The following ARL8B variants were observed in gnomAD, a reference collection of about 807,000 sequenced individuals.
ARL8B encodes ARF like GTPase 8B, also known as ADP-ribosylation factor-like protein 8B.
In ARL8B, 9 loss-of-function variants were observed where a neutral mutation model predicts 30.6. The observed-to-expected ratio is 0.29, with a 90% CI of 0.18 to 0.51. The LOEUF (loss-of-function observed/expected upper bound fraction) is 0.51. ARL8B is among the 20% of genes least tolerant of loss of function. The pLI, the probability that ARL8B is intolerant of heterozygous loss-of-function variation, is 0.97. For missense variants in ARL8B, 130 were observed against 227.2 expected, an observed-to-expected ratio of 0.57 and a Z score of 2.75; for synonymous variants, 74 against 76.0, an observed-to-expected ratio of 0.97 and a Z score of 0.14.
At chr3:5,172,278 G>T in intron 3 of ARL8B, 55 bp downstream of exon 3, 2 of 1,485,158 alleles carry the variant, frequency 1.3e-6, no homozygotes, top group Non-Finnish European at 9.3e-7. Context: ...CATCAAAGAA[G>T]AAAGTTTATT....
chr3:5,178,338 C>G (rs1209622747), intron 6 of ARL8B, among the ~76,000 whole-genome samples: 1 of 147,290 alleles, frequency 6.8e-6, no homozygotes, highest in Non-Finnish European at 1.5e-5. Flanking sequence ...TGAGGGCAAA[C>G]AGGGGTTATT....
intron 1 of ARL8B, among the ~76,000 whole-genome samples, chr3:5,163,221 A>C (rs528332976): frequency 1.6e-4 from 25 of 152,130 alleles, no homozygotes; most frequent in African/African-American, 5.8e-4. Context: ...TCTTGACCTC[A>C]GGTGATCCGC....
intron 1 of ARL8B, among the ~76,000 whole-genome samples, chr3:5,150,350 C>T (rs1346655357): frequency 6.6e-6 from 1 of 151,796 alleles, no homozygotes; most frequent in Non-Finnish European, 1.5e-5. Flanking sequence ...GTAATCCCAG[C>T]TACTCAGGAG....
intron 1 of ARL8B, among the ~76,000 whole-genome samples, chr3:5,134,381 G>A (rs576911408): frequency 6.6e-6 from 1 of 152,328 alleles, no homozygotes; most frequent in Admixed American, 6.5e-5. Context: ...GATGAAGGCT[G>A]TATATTCAGA....
At chr3:5,172,791 A>G (rs1046956673) in intron 4 of ARL8B, 51 bp downstream of exon 4, 24 of 1,085,016 alleles carry the variant, frequency 2.2e-5, no homozygotes, top group Non-Finnish European at 3.0e-5. Flanking sequence ...AATGATATTA[A>G]TTATGGTAAT....
intron 1 of ARL8B, among the ~76,000 whole-genome samples, chr3:5,168,701 A>G (rs922343333): frequency 2.0e-5 from 3 of 152,012 alleles, no homozygotes; most frequent in South Asian, 2.1e-4. Context: ...TTGTTTTGCA[A>G]TAGATAAACT....
intron 1 of ARL8B, among the ~76,000 whole-genome samples, chr3:5,152,170 A>G (rs956731682): frequency 6.6e-6 from 1 of 152,222 alleles, no homozygotes; most frequent in African/African-American, 2.4e-5. Flanking sequence ...CTCCCTATCA[A>G]TTAACATGAG....
intron 1 of ARL8B, among the ~76,000 whole-genome samples, chr3:5,149,055 G>A (rs958318142): frequency 2.6e-5 from 4 of 152,192 alleles, no homozygotes; most frequent in Admixed American, 6.5e-5. Flanking sequence ...TGTTTGCGTC[G>A]CAGGAGAACG....
rs763113793 is a variant in ARL8B at position 5,179,726 on chromosome 3, T to G, written c.*1013T>G. 2.0e-5 allele frequency: 3 copies of G among 152,518 alleles called. No homozygotes were observed. The highest frequency in any genetic ancestry group is 4.4e-5 in the Non-Finnish European group (3 of 68,036). The allele number at this position is 152,518 out of a possible 1,614,324, so 9.4% of individuals were successfully genotyped here. A position where few individuals can be genotyped will look rare whatever the true frequency, so the allele number is the denominator to read the frequency against. On this transcript the variant is annotated 3_prime_UTR_variant, in exon 7 of 7. Transcript: ENST00000256496. ...TTATAAACAAATAAAAAATTTTTAT[T>G]TTTCTCTCTTACTGATGTAAGCTTT...
At chr3:5,150,999 A>G (rs1412272549) in intron 1 of ARL8B, among the ~76,000 whole-genome samples, 1 of 152,100 alleles carries the variant, frequency 6.6e-6, no homozygotes, top group Non-Finnish European at 1.5e-5. Context: ...GCGTGTTTAT[A>G]GTATTCTCTT....
At chr3:5,135,493 C>T (rs1422746862) in intron 1 of ARL8B, among the ~76,000 whole-genome samples, 1 of 151,854 alleles carries the variant, frequency 6.6e-6, no homozygotes, top group Admixed American at 6.6e-5. Flanking sequence ...GATTCTCGCT[C>T]TGTCGCCCAG....
intron 1 of ARL8B, among the ~76,000 whole-genome samples, chr3:5,135,756 CTATTATTATTATTATTATTATTAT>C (rs111824873): frequency 1.1e-4 from 14 of 126,910 alleles, no homozygotes; most frequent in Admixed American, 7.6e-4. Context: ...CGCACCTGGC[CTATTATTATTATTATTATTATTAT>C]TATTATTATT....
chr3:5,166,700 A>C (rs1034202233), intron 1 of ARL8B, among the ~76,000 whole-genome samples: 1 of 152,134 alleles, frequency 6.6e-6, no homozygotes, highest in Admixed American at 6.5e-5. Context: ...TCATGTCTTC[A>C]GTCTTCCTGC....
At chr3:5,166,290 G>A (rs533655591) in intron 1 of ARL8B, among the ~76,000 whole-genome samples, 1 of 151,024 alleles carries the variant, frequency 6.6e-6, no homozygotes, top group Non-Finnish European at 1.5e-5. Flanking sequence ...CACCCACCTC[G>A]GCCTCCCAAA....
At chr3:5,172,768 A>T in intron 4 of ARL8B, 28 bp downstream of exon 4, 1 of 1,286,652 alleles carries the variant, frequency 7.8e-7, no homozygotes, top group Middle Eastern at 2.2e-4. Context: ...GTTATTTTAC[A>T]TTGTAATTAT....
In ARL8B at chr3:5,174,399, GAA is replaced by G; in HGVS notation, c.499_500del (p.Lys167GlyfsTer2). On this transcript the variant is annotated frameshift_variant, in exon 6 of 7. Transcript: ENST00000256496. LOFTEE classifies it high-confidence loss of function. Reference protein sequence around the residue: ...EICCYSISCKEKDNIDITLQW... With the variant: ...EICCYSISCKXKDNIDITLQW... The stretch of plus-strand genomic sequence containing the variant: ...TTGCTGCTATTCAATTTCTTGCAAA[GAA>G]AAGGATAATATAGGTAAGAAATGAC... 6.2e-7 allele frequency: 1 copy of G among 1,602,698 alleles called. No individual in the cohort carries two copies. The highest frequency in any genetic ancestry group is 8.5e-7 in the Non-Finnish European group (1 of 1,170,120).
At chr3:5,132,115 C>G (rs1384391179) in intron 1 of ARL8B, among the ~76,000 whole-genome samples, 1 of 152,178 alleles carries the variant, frequency 6.6e-6, no homozygotes, top group Non-Finnish European at 1.5e-5. Flanking sequence ...TCTTGAACTA[C>G]TGGGCTCAAG....
At chr3:5,123,930 G>C (rs911771814) in intron 1 of ARL8B, among the ~76,000 whole-genome samples, 1 of 152,158 alleles carries the variant, frequency 6.6e-6, no homozygotes, top group Non-Finnish European at 1.5e-5. Context: ...CTGGAGTGCA[G>C]TGGCGAGATC....
At chr3:5,156,059 T>A (rs1024599996) in intron 1 of ARL8B, among the ~76,000 whole-genome samples, 1 of 152,054 alleles carries the variant, frequency 6.6e-6, no homozygotes. Context: ...CGCACCACCA[T>A]GCCCATCTAA....
Sources: allele counts gnomAD v4.1 joint callset (sites outside exome capture counted in the v4.1 genomes callset), GRCh38; gene constraint gnomAD v4.1.1; transcripts MANE v1.5; gene names NCBI Gene and HGNC (gene_info 2026-07-23, HGNC 2026-07-21).